DLG2: variants seen among roughly 807,000 people sequenced by gnomAD.
The protein encoded by DLG2 is disks large homolog 2.
A neutral mutation model predicts 132.5 loss-of-function variants in DLG2; 45 were observed. The observed-to-expected ratio is 0.34, with a 90% CI of 0.27 to 0.44. The LOEUF is 0.44. Ranked by LOEUF, DLG2 falls within the 20% of genes least tolerant of loss-of-function variation. DLG2 has a pLI of 1.00. For missense variants in DLG2, 1,045 were observed against 1,196.9 expected, an observed-to-expected ratio of 0.87 and a Z score of 1.87; for synonymous variants, 424 against 419.6, an observed-to-expected ratio of 1.01 and a Z score of -0.13.
intron 18 of DLG2, among the ~76,000 whole-genome samples, chr11:83,776,257 T>A (rs1315896070): frequency 6.6e-6 from 1 of 152,210 alleles, no homozygotes; most frequent in Non-Finnish European, 1.5e-5. Flanking sequence ...ATTGGTTTTA[T>A]CACCTACATC....
chr11:84,769,240 C>T (rs2068885642), intron 6 of DLG2, among the ~76,000 whole-genome samples: 1 of 152,034 alleles, frequency 6.6e-6, no homozygotes, highest in Admixed American at 6.6e-5. Context: ...CACAAAGAAA[C>T]TTCTAAAGCA....
intron 9 of DLG2, among the ~76,000 whole-genome samples, chr11:84,133,475 C>T (rs1294793034): frequency 6.6e-6 from 1 of 151,942 alleles, no homozygotes; most frequent in Non-Finnish European, 1.5e-5. Flanking sequence ...TTAAAGCATT[C>T]TGTTTTAGGT....
chr11:84,051,459 T>A (rs941296417), intron 11 of DLG2, among the ~76,000 whole-genome samples: 2 of 151,624 alleles, frequency 1.3e-5, no homozygotes, highest in African/African-American at 4.9e-5. Context: ...AAATGATGAG[T>A]TCATGTCCTT....
At chr11:83,543,459 G>T (rs1410242977) in intron 19 of DLG2, among the ~76,000 whole-genome samples, 1 of 152,130 alleles carries the variant, frequency 6.6e-6, no homozygotes, top group Admixed American at 6.6e-5. Flanking sequence ...GTGCAGTCTA[G>T]TGTATTACAG....
intron 6 of DLG2, among the ~76,000 whole-genome samples, chr11:84,698,224 C>G (rs2058824208): frequency 7.2e-6 from 1 of 138,542 alleles, no homozygotes; most frequent in Non-Finnish European, 1.6e-5. Flanking sequence ...TGAGATATAG[C>G]CATCTGATCC....
Position 84,152,391 on chromosome 11 carries a change from CT to C in DLG2, c.624+11069del, listed in dbSNP as rs763306023. On this transcript the variant is annotated intron_variant, in intron 9 of 27. Transcript: ENST00000376104. ...TGTCCTCTGCTCTTTTTTGTTTTCT[CT>C]TTTTTTTTTTTTCAGACGGAGTCTT... Among the ~76,000 whole-genome samples the C allele has an allele frequency of 9.8e-3, 1,380 of 140,380 alleles. 15 individuals carry two copies. The highest frequency in any genetic ancestry group is 0.031 in the African/African-American group (1,185 of 38,364). 92.1% of individuals were successfully genotyped at this position (140,380 alleles called of 152,430 possible). A position where few individuals can be genotyped will look rare whatever the true frequency, so the allele number is the denominator to read the frequency against.
At chr11:84,373,262 A>C (rs1302643656) in intron 7 of DLG2, among the ~76,000 whole-genome samples, 1 of 61,792 alleles carries the variant, frequency 1.6e-5, no homozygotes, top group African/African-American at 4.6e-5. Context: ...AAAAAAAAAA[A>C]AACAAAACAA....
intron 3 of DLG2, among the ~76,000 whole-genome samples, chr11:85,480,367 C>T (rs1392899714): frequency 1.3e-5 from 2 of 151,830 alleles, no homozygotes; most frequent in Non-Finnish European, 2.9e-5. Flanking sequence ...GGAGAAAACA[C>T]AAGTACATTC....
intron 3 of DLG2, among the ~76,000 whole-genome samples, chr11:85,408,107 AC>A (rs1306366304): frequency 6.6e-6 from 1 of 150,952 alleles, no homozygotes; most frequent in African/African-American, 2.4e-5. Context: ...TTTTCTGGGC[AC>A]CTTTTTATCT....
At chr11:84,048,450 C>T (rs1430274683) in intron 11 of DLG2, among the ~76,000 whole-genome samples, 2 of 151,614 alleles carry the variant, frequency 1.3e-5, no homozygotes, top group Non-Finnish European at 3.0e-5. Flanking sequence ...GCTATTCGTG[C>T]TTATTGAACA....
At chr11:85,618,845 T>C (rs1373721324) in intron 2 of DLG2, among the ~76,000 whole-genome samples, 1 of 152,094 alleles carries the variant, frequency 6.6e-6, no homozygotes, top group Non-Finnish European at 1.5e-5. Flanking sequence ...TAAACAATAA[T>C]AGGCCTAAGG....
intron 18 of DLG2, among the ~76,000 whole-genome samples, chr11:83,718,532 GAAAAA>G (rs57237354): frequency 4.7e-5 from 5 of 106,286 alleles, no homozygotes; most frequent in Non-Finnish European, 8.9e-5. Context: ...CTCAAAAAAA[GAAAAA>G]AAAAAAAAAA....
intron 8 of DLG2, among the ~76,000 whole-genome samples, chr11:84,181,069 T>C (rs1028493055): frequency 1.3e-5 from 2 of 151,780 alleles, no homozygotes; most frequent in Non-Finnish European, 2.9e-5. Context: ...TTCAAAATAA[T>C]AATAGGAATA....
chr11:84,978,270 G>A (rs940882887), intron 6 of DLG2, among the ~76,000 whole-genome samples: 1 of 152,082 alleles, frequency 6.6e-6, no homozygotes, highest in African/African-American at 2.4e-5. Flanking sequence ...TCCCCATCAA[G>A]CTACCAATGA....
chr11:83,671,050 C>T (rs574311299), intron 18 of DLG2, among the ~76,000 whole-genome samples: 7 of 151,994 alleles, frequency 4.6e-5, no homozygotes, highest in Admixed American at 2.6e-4. Flanking sequence ...ATTCAAATAA[C>T]CCTAATTTAA....
intron 11 of DLG2, among the ~76,000 whole-genome samples, chr11:84,014,021 A>C (rs1451907918): frequency 6.6e-6 from 1 of 152,126 alleles, no homozygotes; most frequent in Non-Finnish European, 1.5e-5. Context: ...CTCTGCAAAC[A>C]AGTAGAGTTG....
intron 6 of DLG2, among the ~76,000 whole-genome samples, chr11:84,599,180 G>A (rs1427560973): frequency 6.6e-6 from 1 of 152,156 alleles, no homozygotes; most frequent in East Asian, 1.9e-4. Flanking sequence ...GGGAGGCAGA[G>A]GTTGCAGTGA....
chr11:84,119,532 A>G (rs2093803204), intron 9 of DLG2, among the ~76,000 whole-genome samples: 1 of 151,942 alleles, frequency 6.6e-6, no homozygotes, highest in South Asian at 2.1e-4. Context: ...AAAAGACTGA[A>G]CTTGTACAGT....
rs146559332 is a variant in DLG2 at position 83,799,630 on chromosome 11, A to T, written c.1723-12838T>A. On this transcript the variant is annotated intron_variant, in intron 17 of 27. Coordinates refer to ENST00000376104, the MANE Select transcript of DLG2 (RefSeq NM_001142699.3). The stretch of plus-strand genomic sequence containing the variant: ...AAATAATATTTACTGTGTTGAGCAG[A>T]TTGAAAATGGGAAATGGGGAAGGTG... 5.1e-3 allele frequency among the ~76,000 whole-genome samples: 784 copies of T among 152,314 alleles called. 3 individuals carry two copies. The highest frequency in any genetic ancestry group is 0.024 in the Middle Eastern group (7 of 294).
Sources: allele counts gnomAD v4.1 joint callset (sites outside exome capture counted in the v4.1 genomes callset), GRCh38; gene constraint gnomAD v4.1.1; transcripts MANE v1.5; gene names NCBI Gene and HGNC (gene_info 2026-07-23, HGNC 2026-07-21).